The following CA10 variants were observed in gnomAD, a reference collection of about 807,000 sequenced individuals.
The protein encoded by CA10 is carbonic anhydrase-related protein 10.
A neutral mutation model predicts 44.2 loss-of-function variants in CA10; 14 were observed. That is an observed-to-expected ratio of 0.32 (90% CI 0.21 to 0.50). The LOEUF is 0.50. CA10 is among the 20% of genes least tolerant of loss of function. CA10 has a pLI of 0.99. For missense variants in CA10, 350 were observed against 409.7 expected, an observed-to-expected ratio of 0.85 and a Z score of 1.26; for synonymous variants, 159 against 141.6, an observed-to-expected ratio of 1.12 and a Z score of -0.87.
intron 2 of CA10, among the ~76,000 whole-genome samples, chr17:51,960,340 G>C (rs1567900776): frequency 6.6e-6 from 1 of 151,546 alleles, no homozygotes; most frequent in Non-Finnish European, 1.5e-5. Context: ...GATTGGTGCA[G>C]AAAAAAATAG....
intron 3 of CA10, among the ~76,000 whole-genome samples, chr17:51,755,539 A>T (rs1567828904): frequency 6.6e-6 from 1 of 152,210 alleles, no homozygotes; most frequent in African/African-American, 2.4e-5. Context: ...TATAGTAAAA[A>T]ATAATTCTCT....
intron 4 of CA10, among the ~76,000 whole-genome samples, chr17:51,702,263 G>T (rs1286048677): frequency 6.6e-6 from 1 of 152,148 alleles, no homozygotes; most frequent in African/African-American, 2.4e-5. Flanking sequence ...CAGAGGCCCA[G>T]AGCAGTTGGG....
chr17:51,762,678 G>A (rs1905248835), intron 3 of CA10: 1 of 152,078 alleles, frequency 6.6e-6, no homozygotes, highest in Admixed American at 6.5e-5. Context: ...ACCAAAATCT[G>A]TATGGTAGGA....
At chr17:51,663,814 G>T (rs1465089453) in intron 4 of CA10, among the ~76,000 whole-genome samples, 1 of 152,140 alleles carries the variant, frequency 6.6e-6, no homozygotes, top group African/African-American at 2.4e-5. Context: ...ACAAAGTCAG[G>T]CCATTCACAC....
intron 1 of CA10, among the ~76,000 whole-genome samples, chr17:52,146,472 T>C (rs1258231339): frequency 1.3e-5 from 2 of 151,514 alleles, no homozygotes; most frequent in Non-Finnish European, 1.5e-5. Flanking sequence ...GGGCGGATCA[T>C]GAGGTCAGGA....
At chr17:51,828,537 T>A (rs577482951) in intron 3 of CA10, among the ~76,000 whole-genome samples, 19 of 152,114 alleles carry the variant, frequency 1.2e-4, no homozygotes, top group Non-Finnish European at 2.4e-4. Flanking sequence ...AAAAAAAAAA[T>A]TTACTGAATG....
At chr17:51,737,594 C>T (rs1916954689) in intron 4 of CA10, among the ~76,000 whole-genome samples, 1 of 152,136 alleles carries the variant, frequency 6.6e-6, no homozygotes, top group Admixed American at 6.6e-5. Flanking sequence ...CTCAAAAAGC[C>T]AAAGCAGTTT....
intron 3 of CA10, among the ~76,000 whole-genome samples, chr17:51,812,376 A>G (rs1435841796): frequency 6.6e-6 from 1 of 152,230 alleles, no homozygotes; most frequent in African/African-American, 2.4e-5. Context: ...CCTACTGTGC[A>G]TCTGTTTCCA....
chr17:51,949,008 T>C (rs2038454729), intron 2 of CA10, among the ~76,000 whole-genome samples: 1 of 152,156 alleles, frequency 6.6e-6, no homozygotes, highest in South Asian at 2.1e-4. Flanking sequence ...ATTTGTTTCA[T>C]ATATAAGAAA....
chr17:51,766,381 G>A (rs1264271875), intron 3 of CA10, among the ~76,000 whole-genome samples: 1 of 152,194 alleles, frequency 6.6e-6, no homozygotes, highest in Non-Finnish European at 1.5e-5. Flanking sequence ...ATCTGGCAGG[G>A]AGAACCAGGT....
At chr17:52,015,042 CAT>C (rs1185844485) in intron 2 of CA10, among the ~76,000 whole-genome samples, 2 of 151,966 alleles carry the variant, frequency 1.3e-5, no homozygotes, top group African/African-American at 4.8e-5. Flanking sequence ...GCAAAGGACA[CAT>C]ATAGTATGTG....
intron 4 of CA10, among the ~76,000 whole-genome samples, chr17:51,654,375 G>C (rs1027069293): frequency 5.3e-5 from 8 of 152,162 alleles, no homozygotes; most frequent in African/African-American, 1.9e-4. Flanking sequence ...TAAAAATCGT[G>C]TATAAACATA....
At chr17:51,647,270 CA>C (rs1355169583) in intron 6 of CA10, among the ~76,000 whole-genome samples, 6 of 152,176 alleles carry the variant, frequency 3.9e-5, no homozygotes, top group African/African-American at 1.4e-4. Flanking sequence ...AGGCCATCAC[CA>C]ATGCTTATTG....
At chr17:51,806,696 A>G (rs1907152848) in intron 3 of CA10, among the ~76,000 whole-genome samples, 1 of 152,262 alleles carries the variant, frequency 6.6e-6, no homozygotes, top group African/African-American at 2.4e-5. Context: ...AACAAGAAGC[A>G]TAATTTAATG....
At chr17:51,975,634 G>A (rs1364713330) in intron 2 of CA10, among the ~76,000 whole-genome samples, 2 of 152,174 alleles carry the variant, frequency 1.3e-5, no homozygotes, top group Admixed American at 6.5e-5. Context: ...AGGCGAGATC[G>A]CCTCACTGCA....
intron 3 of CA10, among the ~76,000 whole-genome samples, chr17:51,910,536 G>C (rs1276503737): frequency 6.6e-6 from 1 of 152,132 alleles, no homozygotes; most frequent in East Asian, 1.9e-4. Flanking sequence ...GCAGATTAAA[G>C]ACAAATTCAG....
At chr17:52,119,862 T>C (rs75783144) in intron 1 of CA10, among the ~76,000 whole-genome samples, 48 of 152,240 alleles carry the variant, frequency 3.2e-4, no homozygotes, top group South Asian at 3.1e-3. Flanking sequence ...TAATTTTTTT[T>C]CCCCCACATT....
intron 4 of CA10, among the ~76,000 whole-genome samples, chr17:51,684,573 C>A (rs9303592): frequency 6.6e-6 from 1 of 152,136 alleles, no homozygotes; most frequent in African/African-American, 2.4e-5. Context: ...TAGCTTACAT[C>A]GCTGACACAT....
At chr17:51,974,820 CTCTTGTTCAGCCCAG>C (rs909691796) in intron 2 of CA10, among the ~76,000 whole-genome samples, 2 of 152,056 alleles carry the variant, frequency 1.3e-5, no homozygotes, top group African/African-American at 4.8e-5. Flanking sequence ...CTGAAAAAAA[CTCTTGTTCAGCCCAG>C]ACTTCTATAC....
Sources: gnomAD v4.1 joint callset for allele counts (sites outside exome capture counted in the v4.1 genomes callset) on GRCh38, gnomAD v4.1.1 for gene constraint, MANE v1.5 for transcripts, NCBI Gene and HGNC (gene_info 2026-07-23, HGNC 2026-07-21) for gene names.